The following ZNF567 variants were observed in gnomAD, a reference collection of about 807,000 sequenced individuals.
ZNF567 encodes zinc finger protein 567.
ZNF567 carries 36 observed loss-of-function variants against 53.9 expected under a neutral mutation model. That is an observed-to-expected ratio of 0.67 (90% CI 0.51 to 0.88). The LOEUF (loss-of-function observed/expected upper bound fraction) is 0.88, where lower values mean the gene tolerates loss of function less well. Ranked by LOEUF, ZNF567 falls within the 40% of genes least tolerant of loss-of-function variation. The probability of loss-of-function intolerance (pLI) is 0.00; values close to 1 mark genes in which losing one functional copy is unlikely to be tolerated. For missense variants in ZNF567, 619 were observed against 764.7 expected, an observed-to-expected ratio of 0.81 and a Z score of 2.25; for synonymous variants, 224 against 260.4, an observed-to-expected ratio of 0.86 and a Z score of 1.35.
At chr19:36,696,595 T>C (rs2038902484) in intron 3 of ZNF567, among the ~76,000 whole-genome samples, 1 of 152,144 alleles carries the variant, frequency 6.6e-6, no homozygotes, top group South Asian at 2.1e-4. Flanking sequence ...AGTCTCCCAT[T>C]CACTGCAAAA....
chr19:36,679,293 A>G, the ZNF567 span, among the ~76,000 whole-genome samples: 2 of 152,312 alleles, frequency 1.3e-5, no homozygotes, highest in African/African-American at 4.8e-5. Context: ...CCCCCCCAAA[A>G]AAACCACAGT....
At chr19:36,684,077 A>G (rs1488527476), upstream of ZNF567, among the ~76,000 whole-genome samples, 1 of 152,228 alleles carries the variant, frequency 6.6e-6, no homozygotes, top group Non-Finnish European at 1.5e-5. Flanking sequence ...ATAATGGGAA[A>G]AAGCTGGAAA....
rs1309799577 is a variant in ZNF567, at chr19:36,706,339, G to T, written c.10-6047G>T. Among the ~76,000 whole-genome samples, 8 of 152,308 alleles carry T rather than the reference G, an allele frequency of 5.3e-5. No individual in the cohort carries two copies. In the South Asian group the frequency reaches 1.7e-3, roughly 32 times the overall value. ...GATAGGGCCTCGCTTTGTAGCCCAG[G>T]CTGGATTTCAGTGGCACAATCATGG... On this transcript the variant is annotated intron_variant, in intron 3 of 5. Transcript: ENST00000682579.
chr19:36,724,512 A>G (rs2040327351), downstream of ZNF567, among the ~76,000 whole-genome samples: 1 of 151,478 alleles, frequency 6.6e-6, no homozygotes, highest in Admixed American at 6.6e-5. Flanking sequence ...GCGAAACCCC[A>G]TCTCTACTAA....
intron 3 of ZNF567, chr19:36,703,749 A>C (rs558823663): frequency 6.5e-6 from 1 of 153,870 alleles, no homozygotes; most frequent in South Asian, 2.0e-4. Flanking sequence ...GCGGAATATA[A>C]TCTCCTGGTG....
downstream of ZNF567, among the ~76,000 whole-genome samples, chr19:36,725,056 TC>T (rs1187997439): frequency 6.6e-6 from 1 of 152,128 alleles, no homozygotes; most frequent in Non-Finnish European, 1.5e-5. Context: ...TGAGAGTTGT[TC>T]CTTTCAGCAC....
chr19:36,723,055 C>A (rs954437068), downstream of ZNF567: 1 of 612,366 alleles, frequency 1.6e-6, no homozygotes, highest in African/African-American at 1.8e-5. Context: ...GACTTATAAT[C>A]AGAACTGTGA....
At chr19:36,682,283 CAAA>C in the ZNF567 span, among the ~76,000 whole-genome samples, 21 of 96,572 alleles carry the variant, frequency 2.2e-4, no homozygotes, top group African/African-American at 1.9e-4. Flanking sequence ...GACCCTGTCT[CAAA>C]AAAAAAAAAA....
At chr19:36,715,933 G>T (rs538256417) in intron 5 of ZNF567, among the ~76,000 whole-genome samples, 1 of 152,090 alleles carries the variant, frequency 6.6e-6, no homozygotes, top group Non-Finnish European at 1.5e-5. Flanking sequence ...TTATCAGCTT[G>T]TGAAATATAT....
upstream of ZNF567, chr19:36,687,561 G>A (rs936367847): frequency 1.3e-5 from 2 of 152,310 alleles, no homozygotes; most frequent in Non-Finnish European, 2.9e-5. Context: ...CAGCAGGAAC[G>A]CGCCGCGGAG....
the ZNF567 span, among the ~76,000 whole-genome samples, chr19:36,671,717 A>G: frequency 6.6e-6 from 1 of 152,310 alleles, no homozygotes; most frequent in African/African-American, 2.4e-5. Context: ...GACTCTTCAG[A>G]GGCAGCTTTT....
intron 5 of ZNF567, among the ~76,000 whole-genome samples, chr19:36,716,808 A>G (rs774857676): frequency 1.3e-5 from 2 of 152,074 alleles, no homozygotes; most frequent in East Asian, 1.9e-4. Context: ...CCACCTAACT[A>G]TGAGTATGCA....
the ZNF567 span, among the ~76,000 whole-genome samples, chr19:36,680,845 G>T: frequency 1.3e-5 from 2 of 152,036 alleles, no homozygotes; most frequent in Non-Finnish European, 2.9e-5. Context: ...TCCTCTGTCT[G>T]CCAGTCTCCT....
chr19:36,714,410 C>G (rs2039943685), intron 5 of ZNF567: 1 of 396,846 alleles, frequency 2.5e-6, no homozygotes, highest in Non-Finnish European at 4.4e-6. Flanking sequence ...GATCTGCCCA[C>G]CTCGGCCTCA....
At chr19:36,702,959 T>C (rs138482627) in intron 3 of ZNF567, among the ~76,000 whole-genome samples, 3,243 of 152,340 alleles carry the variant, frequency 0.021, 48 homozygotes, top group Middle Eastern at 0.054. Context: ...TTTGTTCTGT[T>C]GCTGGTGAGG....
At chr19:36,722,144 C>T (rs1032433023), downstream of ZNF567, among the ~76,000 whole-genome samples, 1 of 152,024 alleles carries the variant, frequency 6.6e-6, no homozygotes, top group African/African-American at 2.4e-5. Context: ...TGGAAATCTG[C>T]GAAGACAGTG....
chr19:36,721,743 T>TG (rs2040304361), downstream of ZNF567, among the ~76,000 whole-genome samples: 1 of 27,630 alleles, frequency 3.6e-5, no homozygotes. Flanking sequence ...TTTTTTTTTT[T>TG]CTTTTTTTTT....
chr19:36,697,757 A>G (rs932313251), intron 3 of ZNF567, among the ~76,000 whole-genome samples: 1 of 151,760 alleles, frequency 6.6e-6, no homozygotes, highest in Non-Finnish European at 1.5e-5. Flanking sequence ...GATTACAGGC[A>G]TGCACCACCA....
chr19:36,712,384 A>G lies in ZNF567; in HGVS notation c.10-2A>G, dbSNP rs1411247665. On this transcript the variant is annotated splice_acceptor_variant, in intron 3 of 5. Transcript: ENST00000682579. LOFTEE classifies it high-confidence loss of function. Reference sequence around the variant, plus strand: ...TTCTGATTACAGTTCCATCCATTCTAGGGATCAGTGTCTTTCAATGATGTG... The same window carrying G: ...TTCTGATTACAGTTCCATCCATTCTGGGGATCAGTGTCTTTCAATGATGTG... The G allele has an allele frequency of 6.2e-7, 1 of 1,613,048 alleles. No individual in the cohort carries two copies. The highest frequency in any genetic ancestry group is 8.5e-7 in the Non-Finnish European group (1 of 1,179,490).
Sources: gnomAD v4.1 joint callset for allele counts (sites outside exome capture counted in the v4.1 genomes callset) on GRCh38, gnomAD v4.1.1 for gene constraint, MANE v1.5 for transcripts, NCBI Gene and HGNC (gene_info 2026-07-23, HGNC 2026-07-21) for gene names.